The following ARMH3 variants were observed in gnomAD, a reference collection of about 807,000 sequenced individuals.
ARMH3 encodes armadillo like helical domain containing 3.
Under a neutral mutation model 99.1 loss-of-function variants are expected in ARMH3, and 60 were observed. The ratio of observed to expected loss-of-function variants is 0.61; its 90% CI spans 0.49 to 0.75. The LOEUF (loss-of-function observed/expected upper bound fraction) is 0.75, where lower values mean the gene tolerates loss of function less well. ARMH3 is among the 30% of genes least tolerant of loss of function. ARMH3 has a pLI of 0.00. For synonymous variants in ARMH3, 285 were observed against 292.8 expected (o/e 0.97, Z 0.27); for missense variants, 679 against 843.1 (o/e 0.81, Z 2.41).
chr10:101,992,184 T>G (rs1846829450), intron 17 of ARMH3, 146 bp from the exon 18 acceptor site: 2 of 714,238 alleles, frequency 2.8e-6, no homozygotes, highest in African/African-American at 1.7e-5. Context: ...GGGAGAGGAA[T>G]GAGGTAGCAT....
chr10:101,917,569 C>T (rs994476997), intron 23 of ARMH3, among the ~76,000 whole-genome samples: 14 of 152,330 alleles, frequency 9.2e-5, no homozygotes, highest in African/African-American at 3.4e-4. Flanking sequence ...TTTGTCCAAT[C>T]CAAGTTTTTA....
intron 15 of ARMH3, among the ~76,000 whole-genome samples, chr10:101,999,908 C>A (rs1367848779): frequency 1.3e-5 from 2 of 151,946 alleles, no homozygotes; most frequent in East Asian, 1.9e-4. Context: ...CACAATGAAA[C>A]CCCGTCTCTA....
intron 23 of ARMH3, among the ~76,000 whole-genome samples, chr10:101,891,609 CAAGAGGACATT>C (rs1363544795): frequency 1.3e-5 from 2 of 152,072 alleles, no homozygotes; most frequent in Non-Finnish European, 2.9e-5. Context: ...CCTGGCACAG[CAAGAGGACATT>C]AATGGAAAAA....
At chr10:101,973,469 T>C (rs1845862105) in intron 20 of ARMH3, among the ~76,000 whole-genome samples, 1 of 151,044 alleles carries the variant, frequency 6.6e-6, no homozygotes, top group Non-Finnish European at 1.5e-5. Context: ...ATGACTATAA[T>C]AACACAAAGA....
chr10:102,005,053 A>C (rs2066451951), intron 14 of ARMH3, among the ~76,000 whole-genome samples: 1 of 151,862 alleles, frequency 6.6e-6, no homozygotes, highest in Non-Finnish European at 1.5e-5. Context: ...AAATACAAAA[A>C]ATTAGCCGGG....
intron 8 of ARMH3, among the ~76,000 whole-genome samples, chr10:102,019,558 G>A (rs1389782596): frequency 1.3e-5 from 2 of 152,102 alleles, no homozygotes; most frequent in African/African-American, 2.4e-5. Flanking sequence ...TGATCATCTG[G>A]ACCCTGTATA....
chr10:101,918,123 G>A lies in ARMH3; in HGVS notation c.1781+21740C>T, dbSNP rs1439655747. ...GAGTGCAGTGGTGCAATCTTGGCTC[G>A]GCTGACTGCAACCTGCACCTCCCGG... is the stretch of plus-strand genomic sequence containing the variant. On this transcript the variant is annotated intron_variant, in intron 23 of 25. Coordinates refer to ENST00000370033, the MANE Select transcript of ARMH3 (RefSeq NM_024541.3). Among the ~76,000 whole-genome samples, 10 of 152,010 alleles carry A rather than the reference G, an allele frequency of 6.6e-5. No individual in the cohort carries two copies. The South Asian group carries it at 1.7e-3, about 25-fold the overall frequency.
intron 19 of ARMH3, among the ~76,000 whole-genome samples, chr10:101,976,574 CAATT>C (rs1846023365): frequency 6.6e-6 from 1 of 151,968 alleles, no homozygotes; most frequent in Non-Finnish European, 1.5e-5. Context: ...CAGTGGGTCA[CAATT>C]AAACTATTCT....
At chr10:101,917,898 T>C (rs1051840656) in intron 23 of ARMH3, among the ~76,000 whole-genome samples, 1 of 152,170 alleles carries the variant, frequency 6.6e-6, no homozygotes. Flanking sequence ...GAAATAACAA[T>C]CTTTCCCAAC....
At chr10:101,958,550 T>C (rs2135819113) in intron 20 of ARMH3, among the ~76,000 whole-genome samples, 1 of 152,276 alleles carries the variant, frequency 6.6e-6, no homozygotes, top group South Asian at 2.1e-4. Flanking sequence ...TCTCTGCCCA[T>C]CTCAGATAAT....
chr10:101,864,814 G>A (rs1422036410), intron 24 of ARMH3, among the ~76,000 whole-genome samples: 1 of 151,860 alleles, frequency 6.6e-6, no homozygotes, highest in Non-Finnish European at 1.5e-5. Flanking sequence ...AATGGGTGCA[G>A]CACACCACAT....
At chr10:102,026,842 G>C (rs985224582) in intron 5 of ARMH3, among the ~76,000 whole-genome samples, 2 of 152,206 alleles carry the variant, frequency 1.3e-5, no homozygotes, top group Non-Finnish European at 2.9e-5. Flanking sequence ...TGTGGATGAT[G>C]GATTTAAAGA....
intron 17 of ARMH3, 51 bp downstream of exon 17, chr10:101,993,487 C>T (rs781285254): frequency 1.4e-6 from 2 of 1,395,470 alleles, no homozygotes; most frequent in Non-Finnish European, 1.0e-6. Flanking sequence ...ACCCTGCCGA[C>T]ATACAAAAAA....
chr10:101,974,800 T>C (rs922485296), intron 20 of ARMH3, among the ~76,000 whole-genome samples: 8 of 151,772 alleles, frequency 5.3e-5, no homozygotes, highest in African/African-American at 1.5e-4. Flanking sequence ...CCCTATGACA[T>C]TCCTGAAGAA....
intron 11 of ARMH3, among the ~76,000 whole-genome samples, chr10:102,010,334 T>C (rs2066604197): frequency 6.6e-6 from 1 of 152,206 alleles, no homozygotes. Flanking sequence ...GTGTGTAAGT[T>C]TAGTCCCTCT....
chr10:102,055,922 T>C (rs2067841373), intron 1 of ARMH3, among the ~76,000 whole-genome samples, 163 bp downstream of exon 1: 1 of 152,088 alleles, frequency 6.6e-6, no homozygotes, highest in South Asian at 2.1e-4. Flanking sequence ...CATACGCAGC[T>C]TCAGCAGCCG....
intron 24 of ARMH3, among the ~76,000 whole-genome samples, chr10:101,858,247 T>C (rs1339037485): frequency 5.3e-5 from 8 of 152,248 alleles, no homozygotes; most frequent in Non-Finnish European, 1.2e-4. Flanking sequence ...TAGCTAGTGA[T>C]AGTCAAGATG....
chr10:101,933,666 T>C (rs750393495), intron 23 of ARMH3, among the ~76,000 whole-genome samples: 2 of 152,158 alleles, frequency 1.3e-5, no homozygotes, highest in Non-Finnish European at 2.9e-5. Context: ...TGCTTTTCAT[T>C]TTCTCTAATG....
At chr10:101,877,661 A>AG (rs2067302946) in intron 24 of ARMH3, among the ~76,000 whole-genome samples, 1 of 151,878 alleles carries the variant, frequency 6.6e-6, no homozygotes. Flanking sequence ...GTCTTTAAAA[A>AG]AAAAAAAAAT....
Sources: gnomAD v4.1 joint callset for allele counts (sites outside exome capture counted in the v4.1 genomes callset) on GRCh38, gnomAD v4.1.1 for gene constraint, MANE v1.5 for transcripts, NCBI Gene and HGNC (gene_info 2026-07-23, HGNC 2026-07-21) for gene names.